The following PTPRG variants were observed in gnomAD, a reference collection of about 807,000 sequenced individuals.
PTPRG encodes receptor-type tyrosine-protein phosphatase gamma.
In PTPRG, 102 loss-of-function variants were observed where a neutral mutation model predicts 165.3. The observed-to-expected ratio is 0.62, with a 90% CI of 0.53 to 0.73. The LOEUF (loss-of-function observed/expected upper bound fraction) is 0.73, where lower values mean the gene tolerates loss of function less well. Among genes scored for constraint, PTPRG ranks in the 30% least tolerant of loss-of-function variants. The pLI, the probability that PTPRG is intolerant of heterozygous loss-of-function variation, is 0.00. For missense variants in PTPRG, 1,866 were observed against 1,861.4 expected (o/e 1.00, Z -0.05); for synonymous variants, 675 against 669.5 (o/e 1.01, Z -0.13).
At chr3:61,950,838 T>A (rs1476828305) in intron 2 of PTPRG, among the ~76,000 whole-genome samples, 2 of 152,256 alleles carry the variant, frequency 1.3e-5, no homozygotes, top group African/African-American at 4.8e-5. Flanking sequence ...GAGAGCTCAG[T>A]TGCTGCATGG....
At chr3:61,564,966 A>T (rs1170439640) in intron 1 of PTPRG, among the ~76,000 whole-genome samples, 1 of 152,218 alleles carries the variant, frequency 6.6e-6, no homozygotes, top group African/African-American at 2.4e-5. Flanking sequence ...GAAAGCGCTT[A>T]TCTGTTTGAC....
intron 2 of PTPRG, among the ~76,000 whole-genome samples, chr3:61,844,272 G>C (rs1012812063): frequency 6.6e-6 from 1 of 152,066 alleles, no homozygotes; most frequent in Non-Finnish European, 1.5e-5. Context: ...CTGAAAAAAA[G>C]TCTGTTTTTA....
intron 2 of PTPRG, among the ~76,000 whole-genome samples, chr3:61,767,852 TC>T (rs1471716724): frequency 6.6e-6 from 1 of 151,540 alleles, no homozygotes; most frequent in Non-Finnish European, 1.5e-5. Flanking sequence ...CGCCTGTAGT[TC>T]CAACTACTGT....
At chr3:61,919,326 TAGA>T (rs2039021408) in intron 2 of PTPRG, among the ~76,000 whole-genome samples, 1 of 152,192 alleles carries the variant, frequency 6.6e-6, no homozygotes, top group African/African-American at 2.4e-5. Flanking sequence ...AAGGATGTGG[TAGA>T]AATAGCAATA....
At chr3:62,242,541 G>T (rs779584915) in intron 14 of PTPRG, among the ~76,000 whole-genome samples, 3 of 152,140 alleles carry the variant, frequency 2.0e-5, no homozygotes, top group African/African-American at 7.2e-5. Flanking sequence ...TATGACATGT[G>T]ATCATTTCTG....
rs59688417 is a variant in PTPRG at position 61,660,679 on chromosome 3, G to A, written c.86-88199G>A. Among the ~76,000 whole-genome samples, 1,021 of 152,172 alleles carry A rather than the reference G, an allele frequency of 6.7e-3. 9 individuals are homozygous for A. Among genetic ancestry groups the A allele is most frequent in the African/African-American group, 0.023 (961 of 41,524 alleles). On this transcript the variant is annotated intron_variant, in intron 1 of 29. Coordinates refer to ENST00000474889, the MANE Select transcript of PTPRG (RefSeq NM_002841.4). ...TGGTTCAGTATAACACGGCGTCTAC[G>A]GGTTGACAATGATAATGATGATTGG...
At chr3:61,717,304 G>C (rs2031850209) in intron 1 of PTPRG, among the ~76,000 whole-genome samples, 1 of 152,046 alleles carries the variant, frequency 6.6e-6, no homozygotes, top group Non-Finnish European at 1.5e-5. Context: ...AACCCTTTGA[G>C]GTACATATTG....
At chr3:61,847,625 C>T (rs571767713) in intron 2 of PTPRG, among the ~76,000 whole-genome samples, 3 of 152,270 alleles carry the variant, frequency 2.0e-5, no homozygotes, top group South Asian at 2.1e-4. Context: ...CTCCCTCCTT[C>T]GGGGATTCCA....
chr3:61,653,882 T>C (rs1702431643), intron 1 of PTPRG, among the ~76,000 whole-genome samples: 1 of 80,848 alleles, frequency 1.2e-5, no homozygotes, highest in South Asian at 7.0e-4. Context: ...GTGTGCAGGT[T>C]GTTAAGCGGG....
chr3:61,856,822 T>C (rs754456480), intron 2 of PTPRG, among the ~76,000 whole-genome samples: 6 of 152,214 alleles, frequency 3.9e-5, no homozygotes, highest in Admixed American at 2.0e-4. Context: ...GAAAGTCTTA[T>C]GAGGAGGACT....
chr3:61,587,111 T>A (rs1166909200), intron 1 of PTPRG, among the ~76,000 whole-genome samples: 1 of 152,218 alleles, frequency 6.6e-6, no homozygotes, highest in Non-Finnish European at 1.5e-5. Flanking sequence ...TGATGTTAGT[T>A]TATTTGTAGC....
At chr3:61,951,614 A>G (rs1487144210) in intron 2 of PTPRG, among the ~76,000 whole-genome samples, 1 of 151,992 alleles carries the variant, frequency 6.6e-6, no homozygotes, top group Admixed American at 6.6e-5. Context: ...TTTCCTGTGT[A>G]TTTCCAGCGC....
At chr3:62,242,324 C>T (rs113010677) in intron 14 of PTPRG, among the ~76,000 whole-genome samples, 17 of 151,816 alleles carry the variant, frequency 1.1e-4, no homozygotes, top group African/African-American at 3.6e-4. Flanking sequence ...TCATAGGAAA[C>T]AAAAAAAACA....
chr3:61,701,400 GTT>G (rs953214392), intron 1 of PTPRG, among the ~76,000 whole-genome samples: 9 of 152,256 alleles, frequency 5.9e-5, no homozygotes, highest in African/African-American at 1.9e-4. Flanking sequence ...GTAGCTATGA[GTT>G]TGAGGAGGCT....
At chr3:61,582,155 A>T (rs752587215) in intron 1 of PTPRG, among the ~76,000 whole-genome samples, 5 of 151,788 alleles carry the variant, frequency 3.3e-5, no homozygotes, top group Non-Finnish European at 5.9e-5. Flanking sequence ...TTTTGTAGAG[A>T]CAGGGTTTTG....
intron 2 of PTPRG, among the ~76,000 whole-genome samples, chr3:61,959,358 A>C (rs966153396): frequency 1.3e-5 from 2 of 152,180 alleles, no homozygotes; most frequent in African/African-American, 4.8e-5. Context: ...TTTTGGCACC[A>C]GGGACTGGTT....
intron 2 of PTPRG, among the ~76,000 whole-genome samples, chr3:61,829,160 C>T (rs2107285315): frequency 6.6e-6 from 1 of 152,306 alleles, no homozygotes; most frequent in African/African-American, 2.4e-5. Flanking sequence ...CCGACTCATG[C>T]ATCCCAACAA....
At chr3:62,183,584 AG>A (rs905122352) in intron 8 of PTPRG, among the ~76,000 whole-genome samples, 2 of 151,034 alleles carry the variant, frequency 1.3e-5, no homozygotes, top group African/African-American at 2.4e-5. Flanking sequence ...AAAAAAAAAA[AG>A]AATGGCACAG....
rs1443222610 is a variant in PTPRG at position 62,041,437 on chromosome 3, C to T, written c.520-36726C>T. On this transcript the variant is annotated intron_variant, in intron 4 of 29. Coordinates refer to ENST00000474889, the MANE Select transcript of PTPRG (RefSeq NM_002841.4). ...CCAAGAATTCTAGAAACACACAAGA[C>T]AAGACTTTTAGTCTGAAATTAACAA... 2.0e-5 allele frequency among the ~76,000 whole-genome samples: 3 copies of T among 152,176 alleles called. No homozygotes were observed. In the East Asian group the frequency reaches 5.8e-4, roughly 29 times the overall value.
Sources: gnomAD v4.1 joint callset for allele counts (sites outside exome capture counted in the v4.1 genomes callset) on GRCh38, gnomAD v4.1.1 for gene constraint, MANE v1.5 for transcripts, NCBI Gene and HGNC (gene_info 2026-07-23, HGNC 2026-07-21) for gene names.